Variants in ENPP3 observed in about 807,000 individuals in gnomAD.
The protein encoded by ENPP3 is ectonucleotide pyrophosphatase/phosphodiesterase 3.
Under a neutral mutation model 117.8 loss-of-function variants are expected in ENPP3, and 104 were observed. That is an observed-to-expected ratio of 0.88 (90% CI 0.75 to 1.04). The LOEUF (loss-of-function observed/expected upper bound fraction) is 1.04, where lower values mean the gene tolerates loss of function less well. ENPP3 is among the 50% of genes least tolerant of loss of function. The probability of loss-of-function intolerance (pLI) is 0.00; values close to 1 mark genes in which losing one functional copy is unlikely to be tolerated. For missense variants in ENPP3, 1,026 were observed against 1,051.9 expected, an observed-to-expected ratio of 0.98 and a Z score of 0.34; for synonymous variants, 380 against 349.9, an observed-to-expected ratio of 1.09 and a Z score of -0.96.
intron 6 of ENPP3, among the ~76,000 whole-genome samples, chr6:131,664,985 T>C (rs538846925): frequency 5.5e-4 from 84 of 152,290 alleles, no homozygotes; most frequent in South Asian, 1.0e-3. Context: ...TATCAAATGC[T>C]CTTTCTGCTT....
intron 19 of ENPP3, among the ~76,000 whole-genome samples, chr6:131,724,800 A>AT (rs1780117594): frequency 6.6e-6 from 1 of 152,180 alleles, no homozygotes. Context: ...TAATTGATGG[A>AT]TTTTTAAGAA....
chr6:131,682,267 G>C (rs1017052038), intron 11 of ENPP3, among the ~76,000 whole-genome samples: 5 of 152,104 alleles, frequency 3.3e-5, no homozygotes, highest in Non-Finnish European at 7.4e-5. Context: ...GCTGAGGCAG[G>C]AGGATCACTT....
chr6:131,740,402 C>T (rs757417857), intron 24 of ENPP3, 22 bp downstream of exon 24: 1 of 1,517,376 alleles, frequency 6.6e-7, no homozygotes, highest in Non-Finnish European at 8.8e-7. Context: ...TTGGGAGGGT[C>T]CAGGACCCGA....
chr6:131,732,697 G>A (rs2114557938), intron 20 of ENPP3, among the ~76,000 whole-genome samples: 1 of 148,266 alleles, frequency 6.7e-6, no homozygotes, highest in East Asian at 2.0e-4. Context: ...GAGCCACCAA[G>A]CCTGGCCTAA....
rs1779917504 is a variant in ENPP3 at position 131,717,351 on chromosome 6, G to GT, written c.1413-1321_1413-1320insT. The stretch of plus-strand genomic sequence containing the variant: ...AAAAACAAACAGAAACCCTGCGGGG[G>GT]GTGTGTGTGTGTGTGTGTGTGTGTG... On this transcript the variant is annotated intron_variant, in intron 15 of 24. Transcript: ENST00000357639. 9.5e-3 allele frequency among the ~76,000 whole-genome samples: 845 copies of GT among 89,362 alleles called. 7 individuals carry two copies. Among genetic ancestry groups the GT allele is most frequent in the Non-Finnish European group, 0.012 (630 of 50,488 alleles). The allele number at this position is 89,362 out of a possible 152,430, so 58.6% of individuals were successfully genotyped here.
chr6:131,723,665 C>T (rs751567614), intron 18 of ENPP3, among the ~76,000 whole-genome samples: 4 of 152,046 alleles, frequency 2.6e-5, no homozygotes, highest in Non-Finnish European at 4.4e-5. Flanking sequence ...AACCAGAATC[C>T]GTATTTTAAC....
chr6:131,718,445 T>C (rs1051587771), intron 15 of ENPP3, among the ~76,000 whole-genome samples: 10 of 152,230 alleles, frequency 6.6e-5, no homozygotes, highest in Admixed American at 2.6e-4. Context: ...TCTCGTACCC[T>C]TCTGTTTGTT....
At chr6:131,663,746 A>C (rs1778555259) in intron 6 of ENPP3, among the ~76,000 whole-genome samples, 1 of 152,004 alleles carries the variant, frequency 6.6e-6, no homozygotes, top group African/African-American at 2.4e-5. Context: ...TTATAATGTC[A>C]TAGTGCAATG....
chr6:131,684,793 CT>C lies in ENPP3; in HGVS notation c.1121-562del, dbSNP rs991073914. 1.8e-4 allele frequency among the ~76,000 whole-genome samples: 27 copies of C among 151,408 alleles called. No homozygotes were observed. In the East Asian group the frequency reaches 4.5e-3, roughly 25 times the overall value. On this transcript the variant is annotated intron_variant, in intron 12 of 24. Transcript: ENST00000357639. ...TTATATAAATTTAAATTACTTTATA[CT>C]TTTTTTTTGAGACAGAATTTTGTTC...
chr6:131,671,575 C>T (rs1047963549), intron 7 of ENPP3, among the ~76,000 whole-genome samples: 2 of 152,110 alleles, frequency 1.3e-5, no homozygotes, highest in African/African-American at 4.8e-5. Context: ...AAAAACAGAC[C>T]CTTTGATGTG....
rs146648035 is a variant in ENPP3, at chr6:131,740,524, T to TTTCC, written c.2457+147_2457+150dup. 1,499 of 528,968 alleles carry TTTCC rather than the reference T, an allele frequency of 2.8e-3. 25 individuals are homozygous for TTTCC. The highest frequency in any genetic ancestry group is 0.026 in the African/African-American group (1,356 of 51,762). 32.8% of individuals were successfully genotyped at this position (528,968 alleles called of 1,614,324 possible). A position where few individuals can be genotyped will look rare whatever the true frequency, so the allele number is the denominator to read the frequency against. ...ACACAAATGACTTCATTTTTAGGCT[T>TTTCC]TTCCTTAGGCTATTGATCTCTATGT... On this transcript the variant is annotated intron_variant, in intron 24 of 24. Coordinates refer to ENST00000357639, the MANE Select transcript of ENPP3 (RefSeq NM_005021.5).
In ENPP3 at chr6:131,746,783, C is replaced by T. The variant is rs998096135; in HGVS notation, c.2458-3C>T. 1.9e-6 allele frequency: 3 copies of T among 1,588,932 alleles called. No individual in the cohort carries two copies. The highest frequency in any genetic ancestry group is 2.6e-6 in the Non-Finnish European group (3 of 1,172,644). The stretch of plus-strand genomic sequence containing the variant: ...AAAAAAGTGTTGTGCTTTTCTTTTT[C>T]AGGAAGGTAAACCAGAAGCTCTTTG... On this transcript the variant is annotated splice_region_variant and splice_polypyrimidine_tract_variant and intron_variant, in intron 24 of 24. Transcript: ENST00000357639.
intron 15 of ENPP3, chr6:131,709,945 T>G: frequency 6.3e-7 from 1 of 1,583,930 alleles, no homozygotes; most frequent in Non-Finnish European, 8.6e-7. Flanking sequence ...AGTCTGAAGA[T>G]TTTTAATATG....
chr6:131,736,407 A>G (rs1780398044), intron 21 of ENPP3, among the ~76,000 whole-genome samples: 1 of 152,252 alleles, frequency 6.6e-6, no homozygotes, highest in South Asian at 2.1e-4. Context: ...GAGATATCTT[A>G]CATGGCTGCA....
At chr6:131,678,759 A>C (rs915360051) in intron 11 of ENPP3, among the ~76,000 whole-genome samples, 2 of 152,200 alleles carry the variant, frequency 1.3e-5, no homozygotes, top group African/African-American at 2.4e-5. Flanking sequence ...GACTTACTCA[A>C]GCCTCACCAC....
chr6:131,745,939 T>C (rs938406953), intron 24 of ENPP3, among the ~76,000 whole-genome samples: 4 of 152,036 alleles, frequency 2.6e-5, no homozygotes, highest in African/African-American at 4.8e-5. Flanking sequence ...GCCAACATGG[T>C]GAAACCCCAT....
chr6:131,669,944 G>A (rs1270623695), intron 6 of ENPP3, among the ~76,000 whole-genome samples: 1 of 152,202 alleles, frequency 6.6e-6, no homozygotes, highest in Non-Finnish European at 1.5e-5. Context: ...ATTGATAACG[G>A]TGAAGCTTTA....
chr6:131,661,901 A>C (rs1454795843), intron 6 of ENPP3, among the ~76,000 whole-genome samples: 1 of 151,882 alleles, frequency 6.6e-6, no homozygotes, highest in Non-Finnish European at 1.5e-5. Flanking sequence ...TTTTGGTTTG[A>C]TATAGTCCTA....
At chr6:131,693,862 G>A (rs1779344967) in intron 15 of ENPP3, among the ~76,000 whole-genome samples, 1 of 152,122 alleles carries the variant, frequency 6.6e-6, no homozygotes, top group Non-Finnish European at 1.5e-5. Flanking sequence ...CTAAGAGTGT[G>A]CCCAGGGACT....
Sources: allele counts gnomAD v4.1 joint callset (sites outside exome capture counted in the v4.1 genomes callset), GRCh38; gene constraint gnomAD v4.1.1; transcripts MANE v1.5; gene names NCBI Gene and HGNC (gene_info 2026-07-23, HGNC 2026-07-21).